PHACTR1: variants seen among roughly 807,000 people sequenced by gnomAD.
The protein encoded by PHACTR1 is phosphatase and actin regulator 1, also known as RPEL repeat containing 1.
Under a neutral mutation model 69.2 loss-of-function variants are expected in PHACTR1, and 16 were observed. The observed-to-expected ratio is 0.23, with a 90% CI of 0.16 to 0.35. The LOEUF is 0.35. Ranked by LOEUF, PHACTR1 falls within the 10% of genes least tolerant of loss-of-function variation. The pLI is 1.00. For synonymous variants in PHACTR1, 312 were observed against 284.5 expected (o/e 1.10, Z -0.97); for missense variants, 510 against 734.7 (o/e 0.69, Z 3.54).
At chr6:12,799,011 A>G (rs963148208) in intron 4 of PHACTR1, among the ~76,000 whole-genome samples, 3 of 152,176 alleles carry the variant, frequency 2.0e-5, no homozygotes, top group Non-Finnish European at 4.4e-5. Context: ...CTTTGTGAAG[A>G]TCTCTAGGTA....
intron 4 of PHACTR1, among the ~76,000 whole-genome samples, chr6:12,921,842 A>AGAGGGAGGGAGGGAGGGAGGGAGG (rs767461437): frequency 9.1e-6 from 1 of 109,752 alleles, no homozygotes; most frequent in African/African-American, 3.5e-5. Flanking sequence ...AGGGAGGGAG[A>AGAGGGAGGGAGGGAGGGAGGGAGG]GAGGGAGGCA....
At chr6:12,811,607 T>C (rs1235742603) in intron 4 of PHACTR1, among the ~76,000 whole-genome samples, 1 of 152,082 alleles carries the variant, frequency 6.6e-6, no homozygotes, top group African/African-American at 2.4e-5. Context: ...TTTCTTACTT[T>C]CTATTCTTAT....
At chr6:13,048,164 A>C (rs144548480) in intron 4 of PHACTR1, among the ~76,000 whole-genome samples, 24 of 152,296 alleles carry the variant, frequency 1.6e-4, no homozygotes, top group African/African-American at 5.5e-4. Context: ...TGGATGGTAG[A>C]GCAGGAAAGA....
chr6:12,922,524 A>T (rs1787831464), intron 4 of PHACTR1, among the ~76,000 whole-genome samples: 1 of 152,234 alleles, frequency 6.6e-6, no homozygotes, highest in South Asian at 2.1e-4. Context: ...GAGAGTTTGA[A>T]TATGCATGGA....
intron 7 of PHACTR1, among the ~76,000 whole-genome samples, chr6:13,203,550 T>G (rs375836138): frequency 6.6e-6 from 1 of 152,178 alleles, no homozygotes; most frequent in Admixed American, 6.5e-5. Flanking sequence ...AACACGGACA[T>G]AATATGCATC....
intron 4 of PHACTR1, among the ~76,000 whole-genome samples, chr6:12,842,386 A>G (rs1352340482): frequency 6.6e-6 from 1 of 152,214 alleles, no homozygotes; most frequent in African/African-American, 2.4e-5. Context: ...TGTAAGGACA[A>G]TGTTGTAAGT....
intron 8 of PHACTR1, 98 bp from the exon 9 acceptor site, chr6:13,227,718 T>A: frequency 6.8e-7 from 1 of 1,466,020 alleles, no homozygotes; most frequent in Middle Eastern, 1.8e-4. Flanking sequence ...ACCCTTTGTC[T>A]CTTAGGACTG....
chr6:13,162,742 T>G (rs191660290), intron 6 of PHACTR1, among the ~76,000 whole-genome samples: 53 of 152,252 alleles, frequency 3.5e-4, no homozygotes, highest in African/African-American at 1.3e-3. Context: ...AGTCACAAAC[T>G]GTTGGAGCAA....
At chr6:13,160,570 T>G (rs1209229626) in intron 6 of PHACTR1, among the ~76,000 whole-genome samples, 1 of 152,188 alleles carries the variant, frequency 6.6e-6, no homozygotes, top group Non-Finnish European at 1.5e-5. Flanking sequence ...GCACTGGTTG[T>G]GAGTCTGTTG....
At chr6:13,219,225 A>G (rs1405886910) in intron 8 of PHACTR1, among the ~76,000 whole-genome samples, 1 of 152,170 alleles carries the variant, frequency 6.6e-6, no homozygotes, top group African/African-American at 2.4e-5. Flanking sequence ...GTAAATAGCA[A>G]GGCTTCTGTT....
At chr6:13,063,613 A>AG (rs1214333720) in intron 5 of PHACTR1, among the ~76,000 whole-genome samples, 1 of 151,652 alleles carries the variant, frequency 6.6e-6, no homozygotes, top group Non-Finnish European at 1.5e-5. Flanking sequence ...ATTACCACAA[A>AG]AAAAAAAAAA....
intron 4 of PHACTR1, among the ~76,000 whole-genome samples, chr6:12,764,722 G>A (rs538563978): frequency 6.6e-6 from 1 of 152,328 alleles, no homozygotes; most frequent in Admixed American, 6.5e-5. Context: ...AAATAGTGGT[G>A]TTCAAAGTAA....
At chr6:12,912,895 A>G (rs1786567201) in intron 4 of PHACTR1, among the ~76,000 whole-genome samples, 1 of 152,224 alleles carries the variant, frequency 6.6e-6, no homozygotes, top group African/African-American at 2.4e-5. Flanking sequence ...CCAAGGCTGC[A>G]GTGAGCTGAG....
chr6:12,989,844 C>A (rs1041850584), intron 4 of PHACTR1, among the ~76,000 whole-genome samples: 2 of 152,204 alleles, frequency 1.3e-5, no homozygotes, highest in Non-Finnish European at 2.9e-5. Context: ...TTAAATGAAT[C>A]TCCTTTGTGC....
intron 4 of PHACTR1, among the ~76,000 whole-genome samples, chr6:12,941,931 C>G (rs1210948995): frequency 1.3e-5 from 2 of 152,184 alleles, no homozygotes; most frequent in African/African-American, 4.8e-5. Flanking sequence ...CTAATACAGA[C>G]AGAGAGTTCT....
chr6:13,157,767 CT>C (rs1427762938), intron 5 of PHACTR1, among the ~76,000 whole-genome samples: 2 of 152,200 alleles, frequency 1.3e-5, no homozygotes, highest in African/African-American at 4.8e-5. Context: ...ATTCGGATGG[CT>C]TTTTGTCACC....
intron 3 of PHACTR1, among the ~76,000 whole-genome samples, chr6:12,730,452 G>A (rs1448694412): frequency 6.7e-6 from 1 of 149,572 alleles, no homozygotes; most frequent in African/African-American, 2.5e-5. Context: ...CACTTATAAG[G>A]TCATTTAAAA....
intron 7 of PHACTR1, chr6:13,196,596 CT>C: frequency 6.5e-6 from 1 of 154,076 alleles, no homozygotes; most frequent in Non-Finnish European, 1.5e-5. Context: ...AATTTTTGTA[CT>C]TTTTTTAAAG....
intron 4 of PHACTR1, among the ~76,000 whole-genome samples, chr6:12,979,899 G>A (rs1402939749): frequency 1.3e-5 from 2 of 152,122 alleles, no homozygotes; most frequent in Admixed American, 1.3e-4. Context: ...TATTTGGAAT[G>A]ACTGATTTAA....
Sources: gnomAD v4.1 joint callset for allele counts (sites outside exome capture counted in the v4.1 genomes callset) on GRCh38, gnomAD v4.1.1 for gene constraint, MANE v1.5 for transcripts, NCBI Gene and HGNC (gene_info 2026-07-23, HGNC 2026-07-21) for gene names.